The following CDK14 variants were observed in gnomAD, a reference collection of about 807,000 sequenced individuals.
CDK14 encodes the protein cyclin-dependent kinase 14.
In CDK14, 34 loss-of-function variants were observed where a neutral mutation model predicts 60.7. The observed-to-expected ratio is 0.56, with a 90% CI of 0.43 to 0.75. CDK14 has a LOEUF of 0.75. CDK14 is among the 30% of genes least tolerant of loss of function. The probability of loss-of-function intolerance (pLI) is 0.00; values close to 1 mark genes in which losing one functional copy is unlikely to be tolerated. For missense variants in CDK14, 482 were observed against 564.1 expected (o/e 0.85, Z 1.47); for synonymous variants, 197 against 203.7 (o/e 0.97, Z 0.28).
chr7:90,831,627 T>A (rs1253986707), intron 5 of CDK14, among the ~76,000 whole-genome samples: 1 of 152,162 alleles, frequency 6.6e-6, no homozygotes, highest in Non-Finnish European at 1.5e-5. Flanking sequence ...TGACAGCTTA[T>A]CACCACTTCC....
intron 5 of CDK14, among the ~76,000 whole-genome samples, chr7:90,839,430 C>G (rs1037977055): frequency 3.2e-4 from 49 of 152,142 alleles, no homozygotes; most frequent in African/African-American, 1.2e-3. Flanking sequence ...GTGGTGAAAT[C>G]CACAGCAAGA....
intron 14 of CDK14, among the ~76,000 whole-genome samples, chr7:91,130,242 A>G (rs1254269752): frequency 2.0e-5 from 3 of 152,174 alleles, no homozygotes; most frequent in Non-Finnish European, 2.9e-5. Context: ...CTCATTGAAA[A>G]GATTTGCACA....
chr7:90,824,109 C>G (rs1053934099), intron 5 of CDK14, among the ~76,000 whole-genome samples: 1 of 152,122 alleles, frequency 6.6e-6, no homozygotes, highest in Non-Finnish European at 1.5e-5. Context: ...GTTATATTAA[C>G]AGATGTAGGT....
At chr7:91,130,066 T>C (rs1295030664) in intron 14 of CDK14, among the ~76,000 whole-genome samples, 1 of 152,190 alleles carries the variant, frequency 6.6e-6, no homozygotes, top group African/African-American at 2.4e-5. Flanking sequence ...TGTTGTACTG[T>C]AAAAGAAGAA....
At chr7:90,940,382 G>A (rs903113214) in intron 8 of CDK14, among the ~76,000 whole-genome samples, 3 of 152,074 alleles carry the variant, frequency 2.0e-5, no homozygotes, top group East Asian at 3.8e-4. Flanking sequence ...GCTGCATTTT[G>A]TATCTGTACT....
At chr7:90,713,458 T>G (rs984828608) in intron 2 of CDK14, among the ~76,000 whole-genome samples, 2 of 146,586 alleles carry the variant, frequency 1.4e-5, no homozygotes, top group African/African-American at 5.0e-5. Flanking sequence ...TGTTTTTCTG[T>G]CCTCCTAACT....
intron 9 of CDK14, among the ~76,000 whole-genome samples, chr7:90,974,227 A>G (rs1042521597): frequency 4.6e-5 from 7 of 152,144 alleles, no homozygotes; most frequent in African/African-American, 7.2e-5. Context: ...CCTTATGGTT[A>G]TCTTTCCTTG....
intron 2 of CDK14, among the ~76,000 whole-genome samples, chr7:90,643,449 T>G (rs1048179056): frequency 6.6e-6 from 1 of 152,328 alleles, no homozygotes; most frequent in South Asian, 2.1e-4. Context: ...TTTTACATTC[T>G]GGGATTGTGA....
intron 14 of CDK14, among the ~76,000 whole-genome samples, chr7:91,126,559 T>A (rs1799951869): frequency 6.6e-6 from 1 of 152,190 alleles, no homozygotes. Context: ...GAGAATTGCA[T>A]ATTGATAGTG....
intron 12 of CDK14, among the ~76,000 whole-genome samples, chr7:91,082,279 G>A (rs1351067618): frequency 6.6e-6 from 1 of 152,240 alleles, no homozygotes; most frequent in Non-Finnish European, 1.5e-5. Flanking sequence ...ACAGCTGAAT[G>A]ATTTCGGAGG....
At chr7:90,613,373 TGG>T (rs1472634187) in intron 2 of CDK14, among the ~76,000 whole-genome samples, 1 of 152,160 alleles carries the variant, frequency 6.6e-6, no homozygotes, top group Admixed American at 6.5e-5. Flanking sequence ...TGTTCCCTCC[TGG>T]GCAGTGCTCT....
At chr7:90,734,596 C>T (rs1445314021) in intron 3 of CDK14, among the ~76,000 whole-genome samples, 1 of 152,030 alleles carries the variant, frequency 6.6e-6, no homozygotes, top group Non-Finnish European at 1.5e-5. Flanking sequence ...TCCCCTTGAT[C>T]GATTCAGCTA....
chr7:90,620,928 C>A (rs1799752465), intron 2 of CDK14, among the ~76,000 whole-genome samples: 1 of 152,188 alleles, frequency 6.6e-6, no homozygotes, highest in Admixed American at 6.5e-5. Context: ...ATCACAGTGG[C>A]CTTGCTATGA....
At chr7:90,864,611 G>A (rs1791114797) in intron 6 of CDK14, among the ~76,000 whole-genome samples, 8 of 152,028 alleles carry the variant, frequency 5.3e-5, no homozygotes, top group Admixed American at 3.9e-4. Context: ...AGTAACATTG[G>A]TAAAGAAACT....
rs557270048 is a variant in CDK14 at position 90,639,572 on chromosome 7, G to T, written c.123+35323G>T. 5.0e-3 allele frequency among the ~76,000 whole-genome samples: 759 copies of T among 151,854 alleles called. 14 individuals are homozygous for T. Among genetic ancestry groups the T allele is most frequent in the African/African-American group, 0.018 (728 of 41,348 alleles). On this transcript the variant is annotated intron_variant, in intron 2 of 14. Coordinates refer to ENST00000380050, the MANE Select transcript of CDK14 (RefSeq NM_001287135.2). ...TGCCTCCCAGTTAGGCTGCTCGGGG[G>T]TCAGGGGTCAGGGACCCACTTGAGG...
At chr7:90,729,030 C>T (rs77053211) in intron 3 of CDK14, among the ~76,000 whole-genome samples, 1,515 of 151,416 alleles carry the variant, frequency 0.01, 24 homozygotes, top group African/African-American at 0.034. Flanking sequence ...TGCCAACTTT[C>T]TCATGATTTT....
chr7:90,667,412 C>CT (rs1214409122), intron 2 of CDK14, among the ~76,000 whole-genome samples: 1 of 152,126 alleles, frequency 6.6e-6, no homozygotes, highest in East Asian at 1.9e-4. Flanking sequence ...TAAAAGGTAC[C>CT]TGTACTCATT....
intron 14 of CDK14, 150 bp downstream of exon 14, chr7:91,118,358 G>A: frequency 2.1e-6 from 1 of 471,274 alleles, no homozygotes; most frequent in Non-Finnish European, 3.8e-6. Context: ...GAGATAGAAT[G>A]CACTCAGTCA....
At chr7:90,621,651 TCCTTCCTTCCTTCCTTCCTG>T (rs1241028990) in intron 2 of CDK14, among the ~76,000 whole-genome samples, 4 of 139,764 alleles carry the variant, frequency 2.9e-5, no homozygotes, top group East Asian at 2.0e-4. Flanking sequence ...CTTCCTTCCT[TCCTTCCTTCCTTCCTTCCTG>T]CCTTCCTGCC....
Sources: gnomAD v4.1 joint callset for allele counts (sites outside exome capture counted in the v4.1 genomes callset) on GRCh38, gnomAD v4.1.1 for gene constraint, MANE v1.5 for transcripts, NCBI Gene and HGNC (gene_info 2026-07-23, HGNC 2026-07-21) for gene names.